The following SH3TC1 variants were observed in gnomAD, a reference collection of about 807,000 sequenced individuals.
The protein encoded by SH3TC1 is SH3 domain and tetratricopeptide repeat-containing protein 1.
Under a neutral mutation model 117.3 loss-of-function variants are expected in SH3TC1, and 135 were observed. The observed-to-expected ratio is 1.15, with a 90% CI of 1.00 to 1.33. The LOEUF (loss-of-function observed/expected upper bound fraction) is 1.33. Ranked by LOEUF, SH3TC1 falls within the 40% of genes most tolerant of loss-of-function variation. SH3TC1 has a pLI of 0.00. For missense variants in SH3TC1, 2,092 were observed against 1,794.3 expected, an observed-to-expected ratio of 1.17 and a Z score of -3.00; for synonymous variants, 898 against 816.9, an observed-to-expected ratio of 1.10 and a Z score of -1.69.
chr4:8,240,877 C>T lies in SH3TC1; in HGVS notation c.3933C>T (p.Leu1311=). The T allele has an allele frequency of 1.2e-6, 2 of 1,613,578 alleles. No homozygotes were observed. Among genetic ancestry groups the T allele is most frequent in the South Asian group, 2.2e-5 (2 of 91,082 alleles). The change falls in exon 18 of 18, where the codon CTC becomes CTT. Residue 1311 remains leucine, a synonymous_variant. Transcript: ENST00000245105. ...YQKARTFATE[L]NVRRVNLPPL... is the part of the protein sequence containing the mutation. ...AGGCCAGGACCTTCGCCACAGAGCTCAACGTCCGCAGGGTCAACCTGCCTC... is the reference window on the plus strand; with the variant it reads ...AGGCCAGGACCTTCGCCACAGAGCTTAACGTCCGCAGGGTCAACCTGCCTC...
rs1007438118 is a variant in SH3TC1, at chr4:8,206,435, C to T, written c.172+1069C>T. ...CCACGAGTGCACAAGGAGACTGAGA[C>T]GCGCAGGAGGGCCCTGGCCAGCCTC... On this transcript the variant is annotated intron_variant, in intron 2 of 17. Coordinates refer to ENST00000245105, the MANE Select transcript of SH3TC1 (RefSeq NM_018986.5). The surrounding 1 kb of genome is among the most constrained non-coding windows in gnomAD (Gnocchi z 5.5). Among the ~76,000 whole-genome samples, 2 of 152,080 alleles carry T rather than the reference C, an allele frequency of 1.3e-5. No individual in the cohort carries two copies. Among genetic ancestry groups the T allele is most frequent in the African/African-American group, 4.8e-5 (2 of 41,416 alleles).
At chr4:8,196,175 T>A (rs951347956), upstream of SH3TC1, among the ~76,000 whole-genome samples, 1 of 152,222 alleles carries the variant, frequency 6.6e-6, no homozygotes, top group African/African-American at 2.4e-5. This position sits in a 1 kb window ranked among gnomAD's most constrained non-coding sequence, Gnocchi z 4.6. Context: ...TTGAGTCTAA[T>A]TTAATCTTTA....
chr4:8,200,931 G>C (rs1717790127), intron 1 of SH3TC1, among the ~76,000 whole-genome samples: 1 of 152,152 alleles, frequency 6.6e-6, no homozygotes, highest in Admixed American at 6.5e-5. Flanking sequence ...TGGATTTAGG[G>C]CCATCCTCAT....
In SH3TC1 at chr4:8,206,788, C is replaced by T. The variant is rs1718244504; in HGVS notation, c.172+1422C>T. ...AATTCCATTTGCCCATACCCAGGTT[C>T]CCTGAATGTTCGCATTTTAGGACTT... On this transcript the variant is annotated intron_variant, in intron 2 of 17. Coordinates refer to ENST00000245105, the MANE Select transcript of SH3TC1 (RefSeq NM_018986.5). This position sits in a 1 kb window ranked among gnomAD's most constrained non-coding sequence, Gnocchi z 5.5. Among the ~76,000 whole-genome samples the T allele has an allele frequency of 6.6e-6, 1 of 151,988 alleles. No homozygotes were observed. The highest frequency in any genetic ancestry group is 2.1e-4 in the South Asian group (1 of 4,818).
intron 9 of SH3TC1, among the ~76,000 whole-genome samples, chr4:8,221,456 TCTTTAA>T (rs1035530943): frequency 1.3e-5 from 2 of 152,220 alleles, no homozygotes; most frequent in Non-Finnish European, 2.9e-5. Context: ...TTTTTTTTTT[TCTTTAA>T]CTTTATTTTT....
chr4:8,232,317 C>T (rs1721309906), intron 13 of SH3TC1, 161 bp downstream of exon 13: 10 of 1,502,190 alleles, frequency 6.7e-6, no homozygotes, highest in African/African-American at 1.4e-5. Context: ...CTGGGGTTGT[C>T]CCAGGGCTGC....
At chr4:8,191,302 C>T (rs1368875710) in intron 1 of SH3TC1, among the ~76,000 whole-genome samples, 1 of 152,222 alleles carries the variant, frequency 6.6e-6, no homozygotes, top group African/African-American at 2.4e-5. Flanking sequence ...ACATTCCGGC[C>T]AGTTCGGGGG....
At position 8,219,405 on chromosome 4, in the gene SH3TC1, C is replaced by T. The variant is rs771562596; in HGVS notation, c.987C>T (p.Gly329=). 6.2e-6 allele frequency: 10 copies of T among 1,610,708 alleles called. No individual in the cohort carries two copies. The highest frequency in any genetic ancestry group is 5.5e-5 in the South Asian group (5 of 90,962). The change falls in exon 9 of 18, where the codon GGC becomes GGT. Residue 329 remains glycine, a synonymous_variant. Coordinates refer to ENST00000245105, the MANE Select transcript of SH3TC1 (RefSeq NM_018986.5). The part of the protein sequence containing the change: ...SGPEEMTFRG[G]DLIEILGAQV... ...CCGAAGAGATGACCTTCCGAGGTGGCGACCTCATCGAGATCCTTGGGGCGC... is the reference window on the plus strand; with the variant it reads ...CCGAAGAGATGACCTTCCGAGGTGGTGACCTCATCGAGATCCTTGGGGCGC...
chr4:8,219,200 C>G (rs941970012), intron 8 of SH3TC1, 135 bp from the exon 9 acceptor site: 14 of 855,804 alleles, frequency 1.6e-5, no homozygotes, highest in South Asian at 2.1e-5. Flanking sequence ...TTGCGGAAAC[C>G]AAGCTTTACT....
chr4:8,188,348 G>C (rs1018714710), intron 1 of SH3TC1, among the ~76,000 whole-genome samples: 2 of 152,218 alleles, frequency 1.3e-5, no homozygotes, highest in African/African-American at 2.4e-5. Context: ...CCAGCATCGG[G>C]CAGGCAGGTT....
At chr4:8,208,185 C>T (rs143582742) in intron 2 of SH3TC1, among the ~76,000 whole-genome samples, 71 of 152,342 alleles carry the variant, frequency 4.7e-4, no homozygotes, top group African/African-American at 1.4e-3. Flanking sequence ...AGATCTTCTT[C>T]AGACAGGGAG....
Position 8,214,427 on chromosome 4 carries a change from C to A in SH3TC1, c.376-48C>A, listed in dbSNP as rs11931703. The A allele has an allele frequency of 5.2e-4, 813 of 1,549,834 alleles. 9 individuals carry two copies. In the African/African-American group the frequency reaches 0.01, roughly 19 times the overall value. On this transcript the variant is annotated intron_variant, in intron 4 of 17. Transcript: ENST00000245105. ...GTGGACGCTGTCCTCCTGACAGATG[C>A]CCCAGAGCTCCTGGGGACCTCTCGA...
intron 1 of SH3TC1, among the ~76,000 whole-genome samples, chr4:8,203,619 G>A (rs1208189374): frequency 1.3e-5 from 2 of 152,070 alleles, no homozygotes; most frequent in Non-Finnish European, 2.9e-5. Context: ...AAACTGAGGT[G>A]GGGAAGAAAT....
chr4:8,194,890 C>T (rs1009034403), upstream of SH3TC1, among the ~76,000 whole-genome samples: 8 of 152,196 alleles, frequency 5.3e-5, no homozygotes, highest in African/African-American at 1.4e-4. Context: ...CCTTTGTCTC[C>T]GGCTGCTCCA....
intron 1 of SH3TC1, among the ~76,000 whole-genome samples, chr4:8,185,806 G>C (rs903948943): frequency 1.4e-4 from 22 of 152,352 alleles, no homozygotes; most frequent in African/African-American, 4.3e-4. Flanking sequence ...ACAGTCATCT[G>C]CAGGGTGAAC....
At chr4:8,235,379 G>T (rs771313091) in intron 14 of SH3TC1, 54 bp from the exon 15 acceptor site, 1 of 1,417,266 alleles carries the variant, frequency 7.1e-7, no homozygotes. Context: ...GACCTGGGTG[G>T]GCGTGGCCAC....
At chr4:8,201,102 G>A (rs570739710) in intron 1 of SH3TC1, among the ~76,000 whole-genome samples, 4 of 152,300 alleles carry the variant, frequency 2.6e-5, no homozygotes, top group African/African-American at 7.2e-5. Context: ...TGGTGGCATA[G>A]GTGAGGTCTC....
chr4:8,236,706 C>A (rs1721852375), intron 16 of SH3TC1: 1 of 389,246 alleles, frequency 2.6e-6, no homozygotes, highest in East Asian at 3.9e-5. Context: ...TCCAGACATG[C>A]CAGACATCTC....
Position 8,233,440 on chromosome 4 carries a change from C to A in SH3TC1, c.3209C>A (p.Ala1070Glu). The change falls in exon 14 of 18, where the codon GCG becomes GAG. Residue 1070 changes from alanine to glutamate, a missense_variant. Transcript: ENST00000245105. ...GACCTCCAGAAGAAAGAGAAGGAGGCGCATGCCTGGCTGCAAGCAGGGAAG... is the reference window on the plus strand; with the variant it reads ...GACCTCCAGAAGAAAGAGAAGGAGGAGCATGCCTGGCTGCAAGCAGGGAAG... ...FIDLQKKEKE[A>E]HAWLQAGKIY... The A allele has an allele frequency of 1.2e-6, 2 of 1,613,874 alleles. No homozygotes were observed. Among genetic ancestry groups the A allele is most frequent in the Non-Finnish European group, 8.5e-7 (1 of 1,179,894 alleles).
Sources: allele counts gnomAD v4.1 joint callset (sites outside exome capture counted in the v4.1 genomes callset), GRCh38; gene constraint gnomAD v4.1.1; non-coding constraint Gnocchi (gnomAD v3.1); transcripts MANE v1.5; gene names NCBI Gene and HGNC (gene_info 2026-07-23, HGNC 2026-07-21).